The following NOL10 variants were observed in gnomAD, a reference collection of about 807,000 sequenced individuals.
NOL10 encodes the protein H_NH0074G24.1.
Under a neutral mutation model 103.5 loss-of-function variants are expected in NOL10, and 58 were observed. The observed-to-expected ratio is 0.56, with a 90% confidence interval of 0.45 to 0.70. The LOEUF (loss-of-function observed/expected upper bound fraction) is 0.70. Among genes scored for constraint, NOL10 ranks in the 30% least tolerant of loss-of-function variants. NOL10 has a pLI of 0.00. For missense variants in NOL10, 763 were observed against 807.3 expected (o/e 0.95, Z 0.67); for synonymous variants, 287 against 282.5 (o/e 1.02, Z -0.16).
chr2:10,645,405 TA>T (rs1306120197), intron 12 of NOL10, among the ~76,000 whole-genome samples: 2 of 152,240 alleles, frequency 1.3e-5, no homozygotes, highest in African/African-American at 4.8e-5. Flanking sequence ...TTTTTAAAAA[TA>T]TTTTTTGCTG....
chr2:10,659,311 G>T, intron 9 of NOL10, 61 bp from the exon 10 acceptor site: 2 of 504,308 alleles, frequency 4.0e-6, no homozygotes, highest in Non-Finnish European at 7.1e-6. Context: ...CAAGTAACAA[G>T]TTCATTATTA....
intron 9 of NOL10, among the ~76,000 whole-genome samples, chr2:10,662,406 G>C (rs943104773): frequency 6.6e-6 from 1 of 152,110 alleles, no homozygotes; most frequent in Non-Finnish European, 1.5e-5. Context: ...TTAACCTGAG[G>C]TTATGTTTTC....
At chr2:10,662,850 G>GA (rs1680294476) in intron 9 of NOL10, 109 bp downstream of exon 9, 2 of 835,830 alleles carry the variant, frequency 2.4e-6, no homozygotes, top group Non-Finnish European at 3.8e-6. Flanking sequence ...AACAATCATG[G>GA]AAAGTACAAT....
rs999762075 is a variant in NOL10, at chr2:10,571,879, C to A, written c.*192G>T. 1.2e-5 allele frequency: 7 copies of A among 584,788 alleles called. No homozygotes were observed. The highest frequency in any genetic ancestry group is 1.8e-5 in the Non-Finnish European group (6 of 336,888). 36.2% of individuals were successfully genotyped at this position (584,788 alleles called of 1,614,324 possible). On this transcript the variant is annotated 3_prime_UTR_variant, in exon 21 of 21. Coordinates refer to ENST00000381685, the MANE Select transcript of NOL10 (RefSeq NM_024894.4). Reference sequence around the variant, plus strand: ...TCGCAAGCACACCCCTGGGGCTGTGCGGTGGCCGTCGGCGGGGCCAGCTTC... The same window carrying A: ...TCGCAAGCACACCCCTGGGGCTGTGAGGTGGCCGTCGGCGGGGCCAGCTTC...
rs1558272964 is a variant in NOL10 at position 10,589,563 on chromosome 2, T to C, written c.1596+15A>G. 1 of 1,532,184 alleles carries C rather than the reference T, an allele frequency of 6.5e-7. No homozygotes were observed. Among genetic ancestry groups the C allele is most frequent in the East Asian group, 2.3e-5 (1 of 44,078 alleles). The allele number at this position is 1,532,184 out of a possible 1,614,324, so 94.9% of individuals were successfully genotyped here. On this transcript the variant is annotated intron_variant, in intron 18 of 20. Transcript: ENST00000381685. ...AGAAACAGTAGCAAATTCTAACTGA[T>C]AAGGAGTACATTACTTTTTCACGAA...
intron 13 of NOL10, among the ~76,000 whole-genome samples, chr2:10,608,979 G>A (rs1676401506): frequency 6.6e-6 from 1 of 152,024 alleles, no homozygotes; most frequent in Non-Finnish European, 1.5e-5. Context: ...AGAAATGCAA[G>A]GCATTTTTAA....
At chr2:10,687,366 T>C (rs73169925) in intron 1 of NOL10, among the ~76,000 whole-genome samples, 3,227 of 152,206 alleles carry the variant, frequency 0.021, 140 homozygotes, top group African/African-American at 0.073. Context: ...CACCACCTCC[T>C]CCTTGAAACA....
intron 14 of NOL10, among the ~76,000 whole-genome samples, chr2:10,605,820 T>C (rs1676225170): frequency 6.6e-6 from 1 of 152,212 alleles, no homozygotes; most frequent in Admixed American, 6.5e-5. Flanking sequence ...AAAGGCTAAA[T>C]TCAGCTCTTT....
At chr2:10,613,038 A>G (rs1227768141) in intron 13 of NOL10, among the ~76,000 whole-genome samples, 1 of 151,700 alleles carries the variant, frequency 6.6e-6, no homozygotes, top group Admixed American at 6.6e-5. Flanking sequence ...CAGAGAAGAC[A>G]AGAAGAGAAA....
intron 19 of NOL10, among the ~76,000 whole-genome samples, chr2:10,584,181 G>A (rs1029111472): frequency 2.0e-5 from 3 of 152,156 alleles, no homozygotes; most frequent in Non-Finnish European, 4.4e-5. Flanking sequence ...ATGATTTCAA[G>A]GCTCCCCAAA....
rs547191635 is a variant in NOL10, at chr2:10,663,626, T to C, written c.592-582A>G. 7.9e-5 allele frequency among the ~76,000 whole-genome samples: 12 copies of C among 151,984 alleles called. No individual in the cohort carries two copies. The East Asian group carries it at 1.6e-3, about 20-fold the overall frequency. Reference sequence around the variant, plus strand: ...TACAAAGATGTGAACTTTTTAAAAATAAAAAGCTGGGGAAAATTTTTTTTA... The same window carrying C: ...TACAAAGATGTGAACTTTTTAAAAACAAAAAGCTGGGGAAAATTTTTTTTA... On this transcript the variant is annotated intron_variant, in intron 8 of 20. Transcript: ENST00000381685.
At chr2:10,657,591 A>G (rs1451971924) in intron 11 of NOL10, 151 bp downstream of exon 11, 1 of 574,086 alleles carries the variant, frequency 1.7e-6, no homozygotes, top group Non-Finnish European at 3.0e-6. Context: ...GATATTATCT[A>G]TCCAAAAGTA....
At chr2:10,672,949 C>T (rs773280756) in intron 5 of NOL10, among the ~76,000 whole-genome samples, 59 of 152,056 alleles carry the variant, frequency 3.9e-4, no homozygotes, top group African/African-American at 1.4e-3. Flanking sequence ...GCTGAAATTA[C>T]GCCACTGCCC....
Position 10,659,238 on chromosome 2 carries a change from TA to T in NOL10, c.689del (p.Leu230TyrfsTer7). The part of the protein sequence containing the change: ...SVTADSEINS[L>X]PTISALKFNG... ...TAAATTTCAAAGCAGAGATTGTTGGTAAACTGTTTATCCTGAAAAGCAAAAT... is the reference window on the plus strand; with the variant it reads ...TAAATTTCAAAGCAGAGATTGTTGGTAACTGTTTATCCTGAAAAGCAAAAT... On this transcript the variant is annotated frameshift_variant, in exon 10 of 21. Transcript: ENST00000381685. LOFTEE classifies it high-confidence loss of function. The T allele has an allele frequency of 6.3e-7, 1 of 1,592,992 alleles. No homozygotes were observed. Among genetic ancestry groups the T allele is most frequent in the South Asian group, 1.1e-5 (1 of 88,110 alleles).
At chr2:10,622,992 T>A (rs13009015) in intron 13 of NOL10, among the ~76,000 whole-genome samples, 42,593 of 151,932 alleles carry the variant, frequency 0.28, 7,327 homozygotes, top group Non-Finnish European at 0.39. Flanking sequence ...CCGCACTCTA[T>A]GAGCACACTC....
At chr2:10,630,531 T>C (rs767470603) in intron 13 of NOL10, among the ~76,000 whole-genome samples, 5 of 151,988 alleles carry the variant, frequency 3.3e-5, no homozygotes, top group African/African-American at 9.7e-5. Context: ...GCTAACACAG[T>C]GAAACCCCGT....
intron 9 of NOL10, among the ~76,000 whole-genome samples, chr2:10,662,128 T>C (rs1296945573): frequency 3.3e-5 from 5 of 152,238 alleles, no homozygotes; most frequent in Non-Finnish European, 7.3e-5. Context: ...ATGTATGCCA[T>C]TGACGAATAT....
intron 12 of NOL10, among the ~76,000 whole-genome samples, chr2:10,648,679 A>G (rs1370759743): frequency 6.6e-6 from 1 of 152,192 alleles, no homozygotes; most frequent in African/African-American, 2.4e-5. Context: ...TCTTGCCCCA[A>G]ATTTAATCTA....
chr2:10,602,725 G>A, intron 16 of NOL10, 51 bp downstream of exon 16: 1 of 1,115,510 alleles, frequency 9.0e-7, no homozygotes, highest in Non-Finnish European at 1.3e-6. Context: ...TACACAAAAT[G>A]GAAATTAAGT....
Sources: gnomAD v4.1 joint callset for allele counts (sites outside exome capture counted in the v4.1 genomes callset) on GRCh38, gnomAD v4.1.1 for gene constraint, MANE v1.5 for transcripts, NCBI Gene and HGNC (gene_info 2026-07-23, HGNC 2026-07-21) for gene names.